ST18: variants seen among roughly 807,000 people sequenced by gnomAD.
ST18 encodes ST18 C2H2C-type zinc finger transcription factor.
A neutral mutation model predicts 110.0 loss-of-function variants in ST18; 50 were observed. That is an observed-to-expected ratio of 0.45 (90% CI 0.36 to 0.58). ST18 has a LOEUF of 0.58. ST18 is among the 20% of genes least tolerant of loss of function. The pLI, the probability that ST18 is intolerant of heterozygous loss-of-function variation, is 0.00. For missense variants in ST18, 1,306 were observed against 1,280.1 expected, an observed-to-expected ratio of 1.02 and a Z score of -0.31; for synonymous variants, 461 against 452.4, an observed-to-expected ratio of 1.02 and a Z score of -0.24.
intron 2 of ST18, among the ~76,000 whole-genome samples, chr8:52,354,612 A>G (rs1383600851): frequency 6.6e-6 from 1 of 152,196 alleles, no homozygotes. Flanking sequence ...ATGGATAGAA[A>G]GAGACGAGGA....
intron 15 of ST18, among the ~76,000 whole-genome samples, chr8:52,155,744 C>T (rs1430801871): frequency 6.6e-6 from 1 of 152,170 alleles, no homozygotes; most frequent in African/African-American, 2.4e-5. Flanking sequence ...CTCCTATGAT[C>T]TTCTACAAGA....
intron 2 of ST18, among the ~76,000 whole-genome samples, chr8:52,340,816 G>A (rs538016915): frequency 2.6e-5 from 4 of 152,230 alleles, no homozygotes; most frequent in South Asian, 2.1e-4. Flanking sequence ...CACCAAACTC[G>A]TCTTAATTGT....
intron 2 of ST18, among the ~76,000 whole-genome samples, chr8:52,277,070 G>C (rs1589544546): frequency 1.3e-5 from 2 of 152,184 alleles, no homozygotes; most frequent in East Asian, 3.9e-4. Context: ...CCTGGTCAAA[G>C]GCTATAAAAC....
chr8:52,127,210 T>A (rs942834682), intron 22 of ST18, among the ~76,000 whole-genome samples: 1 of 152,208 alleles, frequency 6.6e-6, no homozygotes, highest in African/African-American at 2.4e-5. Flanking sequence ...GAATGCTAAT[T>A]ATTCTACACT....
chr8:52,337,332 C>G (rs531169887), intron 2 of ST18, among the ~76,000 whole-genome samples: 5 of 152,332 alleles, frequency 3.3e-5, no homozygotes, highest in Admixed American at 2.6e-4. Context: ...TTCTCTTCGT[C>G]TGGCAAAGGT....
rs183099793 is a variant in ST18 at position 52,256,169 on chromosome 8, T to C, written c.-464-26092A>G. Among the ~76,000 whole-genome samples the C allele has an allele frequency of 3.0e-3, 450 of 152,374 alleles. 1 individual carries two copies. The highest frequency in any genetic ancestry group is 5.0e-3 in the Non-Finnish European group (341 of 68,034). On this transcript the variant is annotated intron_variant, in intron 2 of 25. Coordinates refer to ENST00000689386, the MANE Select transcript of ST18 (RefSeq NM_001352837.2). ...CAACTGACTTTAAAAATAGTTATCTTTCCCATGGGAGGGACTGTATGCACG... is the reference window on the plus strand; with the variant it reads ...CAACTGACTTTAAAAATAGTTATCTCTCCCATGGGAGGGACTGTATGCACG...
chr8:52,257,814 A>G (rs895681729), intron 2 of ST18, among the ~76,000 whole-genome samples: 4 of 149,758 alleles, frequency 2.7e-5, no homozygotes, highest in African/African-American at 7.3e-5. Flanking sequence ...ATGTTTCTTT[A>G]ATTATTTGTG....
chr8:52,248,575 C>A (rs981712159), intron 2 of ST18: 13 of 152,186 alleles, frequency 8.5e-5, no homozygotes, highest in African/African-American at 3.1e-4. Context: ...GCAAATAAGA[C>A]TTTCTGGCAA....
chr8:52,258,788 C>A (rs1234687778), intron 2 of ST18, among the ~76,000 whole-genome samples: 1 of 152,126 alleles, frequency 6.6e-6, no homozygotes, highest in Admixed American at 6.6e-5. Flanking sequence ...GAGCAGACAC[C>A]ATTGTTTTGT....
At chr8:52,376,138 T>C (rs144944455) in intron 2 of ST18, among the ~76,000 whole-genome samples, 6 of 152,234 alleles carry the variant, frequency 3.9e-5, no homozygotes, top group African/African-American at 9.6e-5. Context: ...CTATAACCGA[T>C]TATCAGCATA....
intron 10 of ST18, 56 bp downstream of exon 10, chr8:52,171,732 CTTTT>C: frequency 1.3e-6 from 2 of 1,556,646 alleles, no homozygotes; most frequent in African/African-American, 1.4e-5. Context: ...TCAAATCTGA[CTTTT>C]TTTTCAAACC....
intron 2 of ST18, chr8:52,249,493 A>G (rs2094125799): frequency 6.6e-6 from 1 of 152,134 alleles, no homozygotes; most frequent in African/African-American, 2.4e-5. Flanking sequence ...GTGATACTCT[A>G]GTGAGCTGCT....
intron 2 of ST18, among the ~76,000 whole-genome samples, chr8:52,367,233 G>GCCACACACACAC (rs1564591511): frequency 8.4e-5 from 11 of 131,214 alleles, no homozygotes; most frequent in Non-Finnish European, 1.4e-4. Context: ...GCGGGACCCT[G>GCCACACACACAC]TCTCACACAC....
chr8:52,389,861 C>A (rs1168207360), intron 2 of ST18, among the ~76,000 whole-genome samples: 1 of 152,154 alleles, frequency 6.6e-6, no homozygotes, highest in African/African-American at 2.4e-5. Context: ...CTCAGATTAA[C>A]AGGGAATGTT....
chr8:52,113,398 G>C (rs958575769), intron 25 of ST18, 60 bp from the exon 26 acceptor site: 4 of 1,586,220 alleles, frequency 2.5e-6, no homozygotes, highest in African/African-American at 1.3e-5. Flanking sequence ...GGAAAAGAAG[G>C]ACCCAGTGAC....
intron 2 of ST18, among the ~76,000 whole-genome samples, chr8:52,403,015 C>T (rs1035518780): frequency 2.6e-5 from 4 of 152,156 alleles, no homozygotes; most frequent in Admixed American, 6.5e-5. Flanking sequence ...GTTCCAACTT[C>T]CTGGGGGTGG....
chr8:52,179,659 T>A (rs1490927414), intron 9 of ST18, among the ~76,000 whole-genome samples: 1 of 151,896 alleles, frequency 6.6e-6, no homozygotes, highest in Non-Finnish European at 1.5e-5. Flanking sequence ...ATAAAAAAAA[T>A]TAAAAAAAAT....
rs578187356 is a variant in ST18, at chr8:52,140,960, G to A, written c.2168+1970C>T. On this transcript the variant is annotated intron_variant, in intron 17 of 25. Transcript: ENST00000689386. Reference sequence around the variant, plus strand: ...AGGTCCATGTGGGAAAAGGTGTCTGGCTGGCCTAAGTGGCTTCTAAGAAGT... The same window carrying A: ...AGGTCCATGTGGGAAAAGGTGTCTGACTGGCCTAAGTGGCTTCTAAGAAGT... 5.9e-5 allele frequency among the ~76,000 whole-genome samples: 9 copies of A among 152,196 alleles called. No individual in the cohort carries two copies. In the South Asian group the frequency reaches 1.9e-3, roughly 32 times the overall value.
chr8:52,193,345 C>T (rs963521108), intron 8 of ST18, among the ~76,000 whole-genome samples: 5 of 152,134 alleles, frequency 3.3e-5, no homozygotes, highest in Admixed American at 6.5e-5. Flanking sequence ...AGCTGATGGG[C>T]GTTAGCTGAA....
Sources: allele counts gnomAD v4.1 joint callset (sites outside exome capture counted in the v4.1 genomes callset), GRCh38; gene constraint gnomAD v4.1.1; transcripts MANE v1.5; gene names NCBI Gene and HGNC (gene_info 2026-07-23, HGNC 2026-07-21).